Variants in VAV2 observed in about 807,000 individuals in gnomAD.
The protein encoded by VAV2 is guanine nucleotide exchange factor VAV2.
VAV2 carries 67 observed loss-of-function variants against 132.5 expected under a neutral mutation model. That is an observed-to-expected ratio of 0.51 (90% CI 0.42 to 0.62). The LOEUF (loss-of-function observed/expected upper bound fraction) is 0.62. Among genes scored for constraint, VAV2 ranks in the 20% least tolerant of loss-of-function variants. VAV2 has a pLI of 0.00. For missense variants in VAV2, 938 were observed against 1,153.6 expected, an observed-to-expected ratio of 0.81 and a Z score of 2.71; for synonymous variants, 492 against 443.5, an observed-to-expected ratio of 1.11 and a Z score of -1.37.
chr9:133,776,211 GC>G (rs1220366680), intron 23 of VAV2, 131 bp from the exon 24 acceptor site: 2 of 1,284,970 alleles, frequency 1.6e-6, no homozygotes, highest in Non-Finnish European at 2.1e-6. Context: ...TGTGGACTTA[GC>G]CCCAGCGCCC....
In VAV2 at chr9:133,822,546, C is replaced by A. The variant is rs561334495; in HGVS notation, c.450-10330G>T. Among the ~76,000 whole-genome samples the A allele has an allele frequency of 1.3e-3, 198 of 152,290 alleles. 1 individual carries two copies. Among genetic ancestry groups the A allele is most frequent in the African/African-American group, 4.6e-3 (192 of 41,550 alleles). On this transcript the variant is annotated intron_variant, in intron 4 of 29. Transcript: ENST00000371850. ...GGGAGCTTGTTCTCACACGCCCTGGCAGACCCTCACCACGACCCATGAGGG... is the reference window on the plus strand; with the variant it reads ...GGGAGCTTGTTCTCACACGCCCTGGAAGACCCTCACCACGACCCATGAGGG...
intron 2 of VAV2, among the ~76,000 whole-genome samples, chr9:133,937,553 T>A (rs966555013): frequency 1.3e-5 from 2 of 151,922 alleles, no homozygotes; most frequent in African/African-American, 4.8e-5. Context: ...TGTGTGTGTG[T>A]GTGTGTTCTG....
intron 11 of VAV2, among the ~76,000 whole-genome samples, chr9:133,796,178 A>C (rs1241357455): frequency 6.6e-6 from 1 of 152,166 alleles, no homozygotes; most frequent in African/African-American, 2.4e-5. Context: ...TCCTGGTGTG[A>C]GGACGCTTTT....
chr9:133,928,425 C>T lies in VAV2; in HGVS notation c.321+10678G>A, dbSNP rs576634727. 3.9e-5 allele frequency among the ~76,000 whole-genome samples: 6 copies of T among 152,318 alleles called. No homozygotes were observed. The highest frequency in any genetic ancestry group is 1.4e-4 in the African/African-American group (6 of 41,566). On this transcript the variant is annotated intron_variant, in intron 2 of 29. Transcript: ENST00000371850. The surrounding 1 kb of genome is among the most constrained non-coding windows in gnomAD (Gnocchi z 5.4). ...GGCAGCTCCCCACCCCAGCGAGGAG[C>T]GACTGCATTTTAATAAGTAATTAGT...
intron 1 of VAV2, among the ~76,000 whole-genome samples, chr9:133,966,458 C>A (rs1236092300): frequency 6.6e-6 from 1 of 152,236 alleles, no homozygotes; most frequent in Non-Finnish European, 1.5e-5. Context: ...ATAATCCCAA[C>A]ACTTTGAGAG....
intron 3 of VAV2, among the ~76,000 whole-genome samples, chr9:133,837,228 C>T (rs936662987): frequency 1.3e-5 from 2 of 152,176 alleles, no homozygotes; most frequent in South Asian, 2.1e-4. Flanking sequence ...GTGGCAGCTG[C>T]GATTTAGTAT....
At chr9:133,842,363 C>T (rs1470576454) in intron 3 of VAV2, among the ~76,000 whole-genome samples, 3 of 152,194 alleles carry the variant, frequency 2.0e-5, no homozygotes, top group Admixed American at 6.5e-5. Context: ...CTCGCCCAGC[C>T]GGAGCACTCC....
intron 25 of VAV2, among the ~76,000 whole-genome samples, chr9:133,773,251 T>C (rs1279451046): frequency 1.3e-5 from 2 of 152,228 alleles, no homozygotes; most frequent in Non-Finnish European, 2.9e-5. Flanking sequence ...CTGAATACTG[T>C]AGGCAGTTGT....
In VAV2 at chr9:133,806,149, C is replaced by A; in HGVS notation, c.768G>T (p.Arg256Ser). The A allele has an allele frequency of 6.2e-7, 1 of 1,612,926 alleles. No individual in the cohort carries two copies. The highest frequency in any genetic ancestry group is 8.5e-7 in the Non-Finnish European group (1 of 1,179,936). The stretch of plus-strand genomic sequence containing the variant: ...CCACCATCACGGACACGTCGATGGC[C>A]CTCAGGAAGCTGTGATGCACCTTGA... ...DLIKVHHSFL[R>S]AIDVSVMVGG... The change falls in exon 9 of 30, where the codon AGG becomes AGT. Residue 256 changes from arginine to serine, a missense_variant. Transcript: ENST00000371850.
At chr9:133,816,628 G>A (rs1285801144) in intron 4 of VAV2, among the ~76,000 whole-genome samples, 1 of 152,206 alleles carries the variant, frequency 6.6e-6, no homozygotes, top group Admixed American at 6.5e-5. Context: ...AGCTACTAAG[G>A]AGGCTGAGGA....
chr9:133,904,229 G>C (rs1361400011), intron 2 of VAV2, among the ~76,000 whole-genome samples: 1 of 152,228 alleles, frequency 6.6e-6, no homozygotes, highest in Admixed American at 6.5e-5. Context: ...GAACCACTCT[G>C]CCACACACAG....
At position 133,802,625 on chromosome 9, in the gene VAV2, G is replaced by A. The variant is rs892863692; in HGVS notation, c.836+3456C>T. Among the ~76,000 whole-genome samples the A allele has an allele frequency of 2.6e-5, 4 of 152,160 alleles. No individual in the cohort carries two copies. Among genetic ancestry groups the A allele is most frequent in the African/African-American group, 4.8e-5 (2 of 41,408 alleles). On this transcript the variant is annotated intron_variant, in intron 9 of 29. Coordinates refer to ENST00000371850, the MANE Select transcript of VAV2 (RefSeq NM_001134398.2). This position sits in a 1 kb window ranked among gnomAD's most constrained non-coding sequence, Gnocchi z 5.8. ...TTGACAGACCCGTGGCCCGAGCTCC[G>A]TGGGTATTTGTGTGAGGATCATGTT...
intron 1 of VAV2, among the ~76,000 whole-genome samples, chr9:133,981,150 C>T (rs1031554076): frequency 6.6e-6 from 1 of 152,148 alleles, no homozygotes; most frequent in African/African-American, 2.4e-5. Flanking sequence ...TCCCGTGTTG[C>T]CAGCAGGTTT....
intron 3 of VAV2, among the ~76,000 whole-genome samples, chr9:133,852,871 TG>T (rs1375630640): frequency 3.3e-5 from 5 of 152,014 alleles, no homozygotes; most frequent in Non-Finnish European, 7.4e-5. Context: ...GCTGACCCAT[TG>T]GGCCCCCCCT....
intron 1 of VAV2, among the ~76,000 whole-genome samples, chr9:133,976,698 G>A (rs759207932): frequency 5.4e-4 from 83 of 152,336 alleles, no homozygotes; most frequent in Non-Finnish European, 1.1e-3. Flanking sequence ...TCCTGCGACG[G>A]AGCTGCTATT....
chr9:133,946,817 T>A (rs922025342), intron 1 of VAV2, among the ~76,000 whole-genome samples: 1 of 152,176 alleles, frequency 6.6e-6, no homozygotes, highest in African/African-American at 2.4e-5. Context: ...TGCAGCTTGA[T>A]GGAATGGATC....
At chr9:133,812,338 C>A in intron 4 of VAV2, 122 bp from the exon 5 acceptor site, 1 of 873,934 alleles carries the variant, frequency 1.1e-6, no homozygotes, top group South Asian at 1.5e-5. Context: ...GTCACCTGCC[C>A]GGGCCTCAGT....
At position 133,847,272 on chromosome 9, in the gene VAV2, G is replaced by T. The variant is rs114908498; in HGVS notation, c.381-12932C>A. Among the ~76,000 whole-genome samples, 297 of 152,320 alleles carry T rather than the reference G, an allele frequency of 1.9e-3. 5 individuals are homozygous for T. Among genetic ancestry groups the T allele is most frequent in the African/African-American group, 6.9e-3 (286 of 41,566 alleles). ...CCAAGTGGGTGCTCAGGGAAGGGAG[G>T]ATCCAAGAACAAAATTCTCCAAATA... On this transcript the variant is annotated intron_variant, in intron 3 of 29. Coordinates refer to ENST00000371850, the MANE Select transcript of VAV2 (RefSeq NM_001134398.2).
In VAV2 at chr9:133,991,586, G is replaced by A. The variant is rs1354715700; in HGVS notation, c.204+489C>T. 6.6e-6 allele frequency among the ~76,000 whole-genome samples: 1 copy of A among 151,592 alleles called. No homozygotes were observed. The highest frequency in any genetic ancestry group is 1.5e-5 in the Non-Finnish European group (1 of 67,828). On this transcript the variant is annotated intron_variant, in intron 1 of 29. Transcript: ENST00000371850. This position sits in a 1 kb window ranked among gnomAD's most constrained non-coding sequence, Gnocchi z 4.8. ...CAACCCAGCTCCCTCCGGCCCCGAG[G>A]GCTCCCGCCCCGCGCCCCTCCCGGG...
Sources: gnomAD v4.1 joint callset for allele counts (sites outside exome capture counted in the v4.1 genomes callset) on GRCh38, gnomAD v4.1.1 for gene constraint, Gnocchi (gnomAD v3.1) non-coding constraint, MANE v1.5 for transcripts, NCBI Gene and HGNC (gene_info 2026-07-23, HGNC 2026-07-21) for gene names.